RGP1: variants seen among roughly 807,000 people sequenced by gnomAD.
RGP1 encodes RGP1 partner of RAB6A GEF complex, also known as RAB6A-GEF complex partner protein 2.
A neutral mutation model predicts 44.5 loss-of-function variants in RGP1; 28 were observed. That is an observed-to-expected ratio of 0.63 (90% CI 0.47 to 0.86). The LOEUF (loss-of-function observed/expected upper bound fraction) is 0.86, where lower values mean the gene tolerates loss of function less well. Among genes scored for constraint, RGP1 ranks in the 40% least tolerant of loss-of-function variants. The probability of loss-of-function intolerance (pLI) is 0.00; values close to 1 mark genes in which losing one functional copy is unlikely to be tolerated. For synonymous variants in RGP1, 212 were observed against 196.7 expected (o/e 1.08, Z -0.65); for missense variants, 417 against 490.7 (o/e 0.85, Z 1.42).
chr9:35,774,308 G>C, the RGP1 span, among the ~76,000 whole-genome samples: 1 of 152,216 alleles, frequency 6.6e-6, no homozygotes, highest in Admixed American at 6.5e-5. Flanking sequence ...CTCTGGTCAG[G>C]GCAGGCTGCA....
the RGP1 span, among the ~76,000 whole-genome samples, chr9:35,771,292 G>A: frequency 3.9e-5 from 6 of 152,090 alleles, no homozygotes; most frequent in Non-Finnish European, 8.8e-5. Flanking sequence ...AGCTTTATTG[G>A]CCTAGATATG....
chr9:35,781,936 A>T, the RGP1 span, among the ~76,000 whole-genome samples: 1 of 145,658 alleles, frequency 6.9e-6, no homozygotes, highest in Non-Finnish European at 1.5e-5. Flanking sequence ...CCATTTACAT[A>T]TTGAAATACC....
chr9:35,749,942 A>T lies in RGP1; in HGVS notation c.116+71A>T. 8.2e-7 allele frequency: 1 copy of T among 1,224,080 alleles called. No homozygotes were observed. The highest frequency in any genetic ancestry group is 2.3e-5 in the East Asian group (1 of 42,854). The allele number at this position is 1,224,080 out of a possible 1,614,324, so 75.8% of individuals were successfully genotyped here. On this transcript the variant is annotated intron_variant, in intron 2 of 8. Coordinates refer to ENST00000378078, the MANE Select transcript of RGP1 (RefSeq NM_001080496.3). The surrounding 1 kb of genome is among the most constrained non-coding windows in gnomAD (Gnocchi z 4.4). ...CAGATTATCTCTGGGGCTGAGGCAG[A>T]GCTCAGGTTGTCCTGTAGCGACACC... is the stretch of plus-strand genomic sequence containing the variant.
chr9:35,763,776 G>T, the RGP1 span, among the ~76,000 whole-genome samples: 1 of 151,420 alleles, frequency 6.6e-6, no homozygotes, highest in African/African-American at 2.4e-5. Context: ...TAGCTGCTTG[G>T]GAGGCTGAGG....
the RGP1 span, among the ~76,000 whole-genome samples, chr9:35,779,387 T>C: frequency 6.6e-6 from 1 of 152,232 alleles, no homozygotes; most frequent in African/African-American, 2.4e-5. Flanking sequence ...TCTCATTCCT[T>C]GGTTAAACTA....
At chr9:35,772,850 A>G in the RGP1 span, among the ~76,000 whole-genome samples, 1 of 152,012 alleles carries the variant, frequency 6.6e-6, no homozygotes, top group African/African-American at 2.4e-5. Flanking sequence ...TTTGAGCTGC[A>G]TACTAACTGT....
At chr9:35,750,465 G>T in intron 3 of RGP1, 86 bp downstream of exon 3, 2 of 1,480,854 alleles carry the variant, frequency 1.4e-6, no homozygotes, top group Non-Finnish European at 1.9e-6. Flanking sequence ...GTTGTTAATT[G>T]TTCTTGTTCT....
At chr9:35,761,688 A>C (rs764212439), downstream of RGP1, among the ~76,000 whole-genome samples, 3 of 152,052 alleles carry the variant, frequency 2.0e-5, no homozygotes, top group Non-Finnish European at 2.9e-5. Flanking sequence ...AAACAAACAA[A>C]CAAACAAAAA....
chr9:35,777,449 T>G, the RGP1 span, among the ~76,000 whole-genome samples: 27 of 149,806 alleles, frequency 1.8e-4, no homozygotes, highest in South Asian at 8.4e-4. Flanking sequence ...TTTGTGGTTT[T>G]TTTTTTTTTT....
At chr9:35,771,395 G>T in the RGP1 span, among the ~76,000 whole-genome samples, 13 of 152,136 alleles carry the variant, frequency 8.5e-5, no homozygotes, top group Non-Finnish European at 1.8e-4. Flanking sequence ...CTCCCGTTTT[G>T]CTTTTCTGAA....
In RGP1 at chr9:35,752,651, T is replaced by C; in HGVS notation, c.953T>C (p.Val318Ala). The C allele has an allele frequency of 4.4e-6, 7 of 1,606,640 alleles. No homozygotes were observed. The highest frequency in any genetic ancestry group is 1.3e-5 in the African/African-American group (1 of 74,892). The part of the protein sequence containing the change: ...SSTPGFCTAI[V>A]SLKWRLHFEF... Reference sequence around the variant, plus strand: ...CTACCTTAATCTTTTTCTTCCATAGTGTCCTTGAAGTGGAGATTGCATTTT... The same window carrying C: ...CTACCTTAATCTTTTTCTTCCATAGCGTCCTTGAAGTGGAGATTGCATTTT... Residue 318 changes from valine to alanine, a missense_variant and splice_region_variant, in exon 9 of 9, where the codon GTG becomes GCG. Val to Ala is a moderately conservative substitution (Grantham distance 64, BLOSUM62 0). Coordinates refer to ENST00000378078, the MANE Select transcript of RGP1 (RefSeq NM_001080496.3).
chr9:35,787,165 C>T, the RGP1 span, among the ~76,000 whole-genome samples: 1 of 151,162 alleles, frequency 6.6e-6, no homozygotes. Context: ...TTTGAACTTA[C>T]AAAGATGTAT....
chr9:35,777,387 C>T, the RGP1 span, among the ~76,000 whole-genome samples: 1 of 151,402 alleles, frequency 6.6e-6, no homozygotes, highest in Non-Finnish European at 1.5e-5. Flanking sequence ...CCTCAGCCTC[C>T]CAAAGTGCTG....
At chr9:35,771,467 A>C in the RGP1 span, among the ~76,000 whole-genome samples, 2 of 152,180 alleles carry the variant, frequency 1.3e-5, no homozygotes, top group East Asian at 3.9e-4. Context: ...ATTGATGAAA[A>C]ATTAGCCCAA....
chr9:35,764,113 G>T, the RGP1 span, among the ~76,000 whole-genome samples: 1 of 151,882 alleles, frequency 6.6e-6, no homozygotes, highest in Non-Finnish European at 1.5e-5. Context: ...GTGAGACCCT[G>T]TCTTGAAAAT....
chr9:35,769,544 T>C, the RGP1 span, among the ~76,000 whole-genome samples: 2 of 152,204 alleles, frequency 1.3e-5, no homozygotes, highest in Non-Finnish European at 2.9e-5. Context: ...CAGAGTCTTA[T>C]TGGAGTACAC....
the RGP1 span, among the ~76,000 whole-genome samples, chr9:35,772,875 A>G: frequency 6.6e-6 from 1 of 152,150 alleles, no homozygotes; most frequent in African/African-American, 2.4e-5. Context: ...GGGTTGTATA[A>G]ATGAGCTATA....
downstream of RGP1, among the ~76,000 whole-genome samples, chr9:35,761,011 C>T (rs779947492): frequency 5.3e-5 from 8 of 152,264 alleles, no homozygotes; most frequent in Admixed American, 3.3e-4. Flanking sequence ...ACTACCCAGA[C>T]TGGCAGAGAC....
chr9:35,771,807 C>A, the RGP1 span, among the ~76,000 whole-genome samples: 13 of 152,214 alleles, frequency 8.5e-5, no homozygotes, highest in African/African-American at 3.1e-4. Context: ...AATGTAGACT[C>A]TAAGACCTTT....
Sources: gnomAD v4.1 joint callset for allele counts (sites outside exome capture counted in the v4.1 genomes callset) on GRCh38, gnomAD v4.1.1 for gene constraint, Gnocchi (gnomAD v3.1) non-coding constraint, MANE v1.5 for transcripts, NCBI Gene and HGNC (gene_info 2026-07-23, HGNC 2026-07-21) for gene names.